Variants in ADAMTS18 observed in about 807,000 individuals in gnomAD.
ADAMTS18 encodes ADAM metallopeptidase with thrombospondin type 1 motif 18.
A neutral mutation model predicts 165.9 loss-of-function variants in ADAMTS18; 157 were observed. The observed-to-expected ratio is 0.95, with a 90% CI of 0.83 to 1.08. The LOEUF is 1.08. ADAMTS18 is among the 50% of genes least tolerant of loss of function. The pLI is 0.00. For synonymous variants in ADAMTS18, 782 were observed against 578.2 expected, an observed-to-expected ratio of 1.35 and a Z score of -5.06; for missense variants, 2,040 against 1,534.0, an observed-to-expected ratio of 1.33 and a Z score of -5.51.
intron 3 of ADAMTS18, among the ~76,000 whole-genome samples, chr16:77,397,715 C>CA (rs2057276567): frequency 2.0e-5 from 3 of 152,192 alleles, no homozygotes; most frequent in African/African-American, 4.8e-5. Flanking sequence ...GCAGAGCTTA[C>CA]AAAAAATGTT....
At chr16:77,428,607 G>A (rs75631243) in intron 3 of ADAMTS18, among the ~76,000 whole-genome samples, 2,197 of 152,188 alleles carry the variant, frequency 0.014, 53 homozygotes, top group African/African-American at 0.05. Context: ...ACTTTGAAAA[G>A]CTGCTTGTCA....
intron 10 of ADAMTS18, among the ~76,000 whole-genome samples, chr16:77,344,991 G>A (rs1022613799): frequency 5.9e-5 from 9 of 151,674 alleles, no homozygotes; most frequent in Non-Finnish European, 8.8e-5. Context: ...ATAATTCCCT[G>A]GACTTAAGTC....
chr16:77,415,012 G>C (rs2057511635), intron 3 of ADAMTS18, among the ~76,000 whole-genome samples: 1 of 152,200 alleles, frequency 6.6e-6, no homozygotes, highest in Non-Finnish European at 1.5e-5. Context: ...AGAGAGGTGA[G>C]TAATAACAAG....
intron 3 of ADAMTS18, among the ~76,000 whole-genome samples, chr16:77,375,457 G>T (rs1375944213): frequency 6.6e-6 from 1 of 152,174 alleles, no homozygotes; most frequent in Non-Finnish European, 1.5e-5. Flanking sequence ...AGAGGAGCGG[G>T]GAAGCTAATT....
At chr16:77,405,379 G>A (rs2057381164) in intron 3 of ADAMTS18, among the ~76,000 whole-genome samples, 1 of 152,140 alleles carries the variant, frequency 6.6e-6, no homozygotes, top group African/African-American at 2.4e-5. Flanking sequence ...CTCTCATTTT[G>A]ATCATCAATA....
intron 19 of ADAMTS18, 130 bp from the exon 20 acceptor site, chr16:77,293,388 C>G (rs111578126): frequency 2.5e-6 from 2 of 804,080 alleles, no homozygotes; most frequent in Non-Finnish European, 2.0e-6. Flanking sequence ...GCTCTTTTTA[C>G]GAGATCTACT....
At chr16:77,390,230 A>G (rs573731023) in intron 3 of ADAMTS18, among the ~76,000 whole-genome samples, 18 of 152,356 alleles carry the variant, frequency 1.2e-4, no homozygotes, top group Admixed American at 3.9e-4. Flanking sequence ...GATGGTAAAG[A>G]TAAAGTAAAC....
chr16:77,407,601 T>A (rs565463044), intron 3 of ADAMTS18, among the ~76,000 whole-genome samples: 6 of 152,228 alleles, frequency 3.9e-5, no homozygotes, highest in Admixed American at 1.3e-4. Context: ...AAGACTTTTT[T>A]AAAAAGTGAA....
intron 12 of ADAMTS18, among the ~76,000 whole-genome samples, chr16:77,330,592 A>C (rs541718113): frequency 1.3e-5 from 2 of 152,168 alleles, no homozygotes; most frequent in Non-Finnish European, 2.9e-5. Flanking sequence ...GACATTGGGA[A>C]GGTCCCTGAG....
At chr16:77,312,491 G>A (rs563169143) in intron 16 of ADAMTS18, among the ~76,000 whole-genome samples, 16 of 152,248 alleles carry the variant, frequency 1.1e-4, no homozygotes, top group African/African-American at 3.9e-4. Context: ...ACCCGCCTTG[G>A]CCTCCCAAAG....
At chr16:77,417,148 A>T (rs56354900) in intron 3 of ADAMTS18, among the ~76,000 whole-genome samples, 89,554 of 151,386 alleles carry the variant, frequency 0.59, 27,421 homozygotes, top group Middle Eastern at 0.72. Context: ...TCACATTGAA[A>T]TGTCCAAGAA....
intron 6 of ADAMTS18, among the ~76,000 whole-genome samples, chr16:77,362,641 T>A (rs934175086): frequency 7.2e-5 from 11 of 152,144 alleles, no homozygotes; most frequent in African/African-American, 2.7e-4. Flanking sequence ...TTTCCATAGA[T>A]GTCAAAATTC....
intron 3 of ADAMTS18, among the ~76,000 whole-genome samples, chr16:77,407,499 C>T (rs1474039357): frequency 6.6e-6 from 1 of 151,964 alleles, no homozygotes; most frequent in Non-Finnish European, 1.5e-5. Context: ...TCACGACAAT[C>T]CAAAAGTACA....
At chr16:77,423,744 T>G (rs2034515469) in intron 3 of ADAMTS18, among the ~76,000 whole-genome samples, 2 of 152,132 alleles carry the variant, frequency 1.3e-5, no homozygotes, top group Non-Finnish European at 2.9e-5. Context: ...TCTCTCATTT[T>G]ATGTCTTCAG....
At chr16:77,351,987 G>A (rs919654497) in intron 10 of ADAMTS18, among the ~76,000 whole-genome samples, 1 of 152,042 alleles carries the variant, frequency 6.6e-6, no homozygotes, top group Non-Finnish European at 1.5e-5. Flanking sequence ...TCCCACCTTG[G>A]CCTCCCCAAA....
intron 3 of ADAMTS18, among the ~76,000 whole-genome samples, chr16:77,370,985 T>C (rs896623710): frequency 9.9e-5 from 15 of 152,172 alleles, no homozygotes; most frequent in African/African-American, 3.6e-4. Context: ...CAGTGACTTA[T>C]GCCTATAATC....
rs577454299 is a variant in ADAMTS18 at position 77,283,785 on chromosome 16, T to C, written c.*171A>G. 7.4e-5 allele frequency: 45 copies of C among 612,208 alleles called. No individual in the cohort carries two copies. Among genetic ancestry groups the C allele is most frequent in the Non-Finnish European group, 1.2e-4 (41 of 341,974 alleles). The allele number at this position is 612,208 out of a possible 1,614,324, so 37.9% of individuals were successfully genotyped here. A position where few individuals can be genotyped will look rare whatever the true frequency, so the allele number is the denominator to read the frequency against. The stretch of plus-strand genomic sequence containing the variant: ...CAGAGTACCACGTGCTTCAGGGAAT[T>C]GAGCTAGAAGCCTACTGGCAACCTG... On this transcript the variant is annotated 3_prime_UTR_variant, in exon 23 of 23. Transcript: ENST00000282849.
chr16:77,325,148 A>G (rs2056070705), intron 13 of ADAMTS18, among the ~76,000 whole-genome samples: 1 of 152,212 alleles, frequency 6.6e-6, no homozygotes, highest in Non-Finnish European at 1.5e-5. Flanking sequence ...ACACATGGGC[A>G]GTTGGGATTC....
At chr16:77,377,179 C>G (rs2056966276) in intron 3 of ADAMTS18, among the ~76,000 whole-genome samples, 1 of 152,192 alleles carries the variant, frequency 6.6e-6, no homozygotes, top group South Asian at 2.1e-4. Context: ...TGAATTTTCC[C>G]TAAAGTTTCC....
Sources: gnomAD v4.1 joint callset for allele counts (sites outside exome capture counted in the v4.1 genomes callset) on GRCh38, gnomAD v4.1.1 for gene constraint, MANE v1.5 for transcripts, NCBI Gene and HGNC (gene_info 2026-07-23, HGNC 2026-07-21) for gene names.